Variants in BRI3BP observed in about 807,000 individuals in gnomAD.
BRI3BP encodes the protein BRI3 binding protein.
BRI3BP carries 7 observed loss-of-function variants against 15.8 expected under a neutral mutation model. The ratio of observed to expected loss-of-function variants is 0.44; its 90% CI spans 0.25 to 0.83. The LOEUF is 0.83. Ranked by LOEUF, BRI3BP falls within the 40% of genes least tolerant of loss-of-function variation. The pLI is 0.20. For synonymous variants in BRI3BP, 192 were observed against 163.5 expected (o/e 1.17, Z -1.33); for missense variants, 320 against 339.3 (o/e 0.94, Z 0.45).
At position 125,025,063 on chromosome 12, in the gene BRI3BP, G is replaced by C. The variant is rs769412405; in HGVS notation, c.389G>C (p.Gly130Ala). 3.1e-6 allele frequency: 5 copies of C among 1,613,512 alleles called. No individual in the cohort carries two copies. In the South Asian group the frequency reaches 5.5e-5, roughly 18 times the overall value. ...SSPARALLLV[G>A]VVLLAYWFLS... Reference sequence around the variant, plus strand: ...CCGGCCCGCGCGCTCCTGCTGGTCGGCGTCGTCCTCCTGGCCTACTGGTTC... The same window carrying C: ...CCGGCCCGCGCGCTCCTGCTGGTCGCCGTCGTCCTCCTGGCCTACTGGTTC... Residue 130 changes from glycine (G) to alanine (A), a missense_variant, in exon 3 of 3, where the codon GGC becomes GCC. Transcript: ENST00000341446.
intron 1 of BRI3BP, among the ~76,000 whole-genome samples, chr12:125,003,378 G>T (rs1955113534): frequency 6.6e-6 from 1 of 152,126 alleles, no homozygotes; most frequent in South Asian, 2.1e-4. Context: ...GGCCTTGTTT[G>T]TCTGAGTCCT....
At position 125,027,773 on chromosome 12, in the gene BRI3BP, C is replaced by T. The variant is rs1244441292; in HGVS notation, c.*2343C>T. Reference sequence around the variant, plus strand: ...CACCATCTCGGCTCACTGCAAGCTCCGCCTCCTGGGTTCACGCCATTCTCC... The same window carrying T: ...CACCATCTCGGCTCACTGCAAGCTCTGCCTCCTGGGTTCACGCCATTCTCC... On this transcript the variant is annotated 3_prime_UTR_variant, in exon 3 of 3. Transcript: ENST00000341446. 2 of 151,968 alleles carry T rather than the reference C, an allele frequency of 1.3e-5. No homozygotes were observed. The highest frequency in any genetic ancestry group is 4.8e-5 in the African/African-American group (2 of 41,400). The allele number at this position is 151,968 out of a possible 1,614,324, so 9.4% of individuals were successfully genotyped here.
chr12:124,994,132 G>A, intron 1 of BRI3BP, 129 bp downstream of exon 1: 3 of 596,662 alleles, frequency 5.0e-6, no homozygotes, highest in Middle Eastern at 6.6e-4. Context: ...GAGGGGGTCC[G>A]GCCTGCGCCT....
chr12:125,025,133 G>A lies in BRI3BP; in HGVS notation c.459G>A (p.Val153=). 1 of 1,614,096 alleles carries A rather than the reference G, an allele frequency of 6.2e-7. No homozygotes were observed. Among genetic ancestry groups the A allele is most frequent in the Non-Finnish European group, 8.5e-7 (1 of 1,180,038 alleles). The part of the protein sequence containing the change: ...LGFTFSVLHV[V]FGRFFWIVRV... ...TCACTTTCAGCGTCCTGCACGTGGT[G>A]TTCGGCCGCTTCTTCTGGATCGTGC... The change falls in exon 3 of 3, where the codon GTG becomes GTA. Residue 153 remains valine (V), a synonymous_variant. Transcript: ENST00000341446.
At chr12:125,031,325 A>T (rs1955404299), downstream of BRI3BP, 1 of 152,168 alleles carries the variant, frequency 6.6e-6, no homozygotes, top group African/African-American at 2.4e-5. Flanking sequence ...GAATTTATGT[A>T]TTCAGTTGGA....
chr12:125,001,298 T>C (rs12426263), intron 1 of BRI3BP, among the ~76,000 whole-genome samples: 9,155 of 152,030 alleles, frequency 0.06, 408 homozygotes, highest in Admixed American at 0.14. Context: ...CCTCGTGATC[T>C]GCCCGGCTCG....
At chr12:125,046,178 A>C in the BRI3BP span, among the ~76,000 whole-genome samples, 1 of 151,750 alleles carries the variant, frequency 6.6e-6, no homozygotes, top group African/African-American at 2.4e-5. Context: ...AAAAAAAACC[A>C]CAAAAAAACT....
At chr12:125,001,565 C>T (rs189163506) in intron 1 of BRI3BP, among the ~76,000 whole-genome samples, 12 of 151,952 alleles carry the variant, frequency 7.9e-5, no homozygotes, top group Admixed American at 6.6e-4. Flanking sequence ...GATTTCTCCT[C>T]GAAATCCCTG....
intron 2 of BRI3BP, among the ~76,000 whole-genome samples, chr12:125,023,502 G>A (rs576467711): frequency 6.6e-6 from 1 of 152,180 alleles, no homozygotes; most frequent in Non-Finnish European, 1.5e-5. Context: ...GGAAATTGAA[G>A]GACAATTTGC....
chr12:125,022,900 TATG>T (rs1404218379), intron 2 of BRI3BP, among the ~76,000 whole-genome samples: 1 of 152,248 alleles, frequency 6.6e-6, no homozygotes, highest in Non-Finnish European at 1.5e-5. Flanking sequence ...TATGATGAAG[TATG>T]ATGTGTACAT....
intron 1 of BRI3BP, among the ~76,000 whole-genome samples, chr12:125,004,987 A>T (rs945694254): frequency 4.6e-5 from 7 of 152,166 alleles, no homozygotes; most frequent in Non-Finnish European, 1.0e-4. Flanking sequence ...CTGGGACCAC[A>T]GTTGCATGCC....
rs1355878377 is a variant in BRI3BP at position 125,031,094 on chromosome 12, A to T, written c.*5664A>T. 1 of 152,212 alleles carries T rather than the reference A, an allele frequency of 6.6e-6. No homozygotes were observed. The highest frequency in any genetic ancestry group is 1.5e-5 in the Non-Finnish European group (1 of 68,028). The allele number at this position is 152,212 out of a possible 1,614,324, so 9.4% of individuals were successfully genotyped here. A position where few individuals can be genotyped will look rare whatever the true frequency, so the allele number is the denominator to read the frequency against. On this transcript the variant is annotated 3_prime_UTR_variant, in exon 3 of 3. Coordinates refer to ENST00000341446, the MANE Select transcript of BRI3BP (RefSeq NM_080626.6). ...ATACATTCCTCTTATTTATTAAATC[A>T]CTGGCTTTGGTGTTATGTAGAGATA...
At chr12:125,038,409 G>A in the BRI3BP span, among the ~76,000 whole-genome samples, 68 of 152,266 alleles carry the variant, frequency 4.5e-4, no homozygotes, top group African/African-American at 1.6e-3. Context: ...TATTCTAAAA[G>A]AAATGAGTTC....
chr12:125,034,238 G>C (rs1955426810), downstream of BRI3BP, among the ~76,000 whole-genome samples: 1 of 151,078 alleles, frequency 6.6e-6, no homozygotes, highest in African/African-American at 2.4e-5. Flanking sequence ...TAGAGACGGG[G>C]TTTCTCCATG....
At chr12:125,019,884 C>T (rs1393121369) in intron 2 of BRI3BP, among the ~76,000 whole-genome samples, 1 of 150,958 alleles carries the variant, frequency 6.6e-6, no homozygotes, top group East Asian at 1.9e-4. Context: ...TTTGTGTTAA[C>T]CTATTGTCTT....
Position 124,993,963 on chromosome 12 carries a change from GC to G in BRI3BP, c.174del (p.Ser58ArgfsTer19). ...RTVNTFSQSVSSLFGEDNVRA... is the reference protein window; with the variant it reads ...RTVNTFSQSVXSLFGEDNVRA... ...GTCAACACCTTCTCCCAGAGCGTCA[GC>G]AGCCTGTTCGGCGAGGACAACGTGC... On this transcript the variant is annotated frameshift_variant, in exon 1 of 3. Coordinates refer to ENST00000341446, the MANE Select transcript of BRI3BP (RefSeq NM_080626.6). LOFTEE classifies it high-confidence loss of function. The G allele has an allele frequency of 7.3e-7, 1 of 1,363,706 alleles. No individual in the cohort carries two copies. Among genetic ancestry groups the G allele is most frequent in the Non-Finnish European group, 9.6e-7 (1 of 1,044,662 alleles). 84.5% of individuals were successfully genotyped at this position (1,363,706 alleles called of 1,614,324 possible).
chr12:125,023,387 G>A (rs1289580565), intron 2 of BRI3BP, among the ~76,000 whole-genome samples: 1 of 152,094 alleles, frequency 6.6e-6, no homozygotes, highest in Non-Finnish European at 1.5e-5. Context: ...CTACTTTTAG[G>A]GAACACATGG....
intron 2 of BRI3BP, among the ~76,000 whole-genome samples, chr12:125,021,033 G>A (rs917667767): frequency 6.6e-6 from 1 of 152,162 alleles, no homozygotes; most frequent in Non-Finnish European, 1.5e-5. Context: ...GAGTGCAAAC[G>A]GTCTTGAGAC....
chr12:125,001,366 A>AT (rs1250522203), intron 1 of BRI3BP, among the ~76,000 whole-genome samples: 3 of 135,750 alleles, frequency 2.2e-5, no homozygotes, highest in South Asian at 2.3e-4. Flanking sequence ...CCAATTATGC[A>AT]TTTTTTTCTT....
Sources: allele counts gnomAD v4.1 joint callset (sites outside exome capture counted in the v4.1 genomes callset), GRCh38; gene constraint gnomAD v4.1.1; transcripts MANE v1.5; gene names NCBI Gene and HGNC (gene_info 2026-07-23, HGNC 2026-07-21).